PARD3B: variants seen among roughly 807,000 people sequenced by gnomAD.
The protein encoded by PARD3B is par-3 family cell polarity regulator beta, also known as partitioning defective 3 homolog B.
A neutral mutation model predicts 130.2 loss-of-function variants in PARD3B; 103 were observed. That is an observed-to-expected ratio of 0.79 (90% CI 0.67 to 0.93). The LOEUF is 0.93. Among genes scored for constraint, PARD3B ranks in the 40% least tolerant of loss-of-function variants. The pLI is 0.00. For synonymous variants in PARD3B, 583 were observed against 553.2 expected (o/e 1.05, Z -0.76); for missense variants, 1,609 against 1,499.2 (o/e 1.07, Z -1.21).
intron 22 of PARD3B, among the ~76,000 whole-genome samples, chr2:205,581,186 G>A (rs1414538125): frequency 6.7e-6 from 1 of 149,944 alleles, no homozygotes; most frequent in Non-Finnish European, 1.5e-5. Context: ...ATCTACCTAA[G>A]TGTCTATCAA....
intron 3 of PARD3B, among the ~76,000 whole-genome samples, chr2:204,996,294 C>G (rs1341338222): frequency 2.7e-5 from 4 of 150,760 alleles, no homozygotes; most frequent in Non-Finnish European, 5.9e-5. Flanking sequence ...AGTTTTCCTT[C>G]TAACAGACAG....
intron 3 of PARD3B, among the ~76,000 whole-genome samples, chr2:205,024,669 G>T (rs1420830576): frequency 6.6e-6 from 1 of 152,028 alleles, no homozygotes; most frequent in African/African-American, 2.4e-5. Flanking sequence ...AATTGATGTG[G>T]GTAATTTCCT....
At chr2:204,831,926 A>G (rs897543185) in intron 2 of PARD3B, among the ~76,000 whole-genome samples, 5 of 152,192 alleles carry the variant, frequency 3.3e-5, no homozygotes, top group Non-Finnish European at 5.9e-5. Context: ...TAGAATGTTC[A>G]GTTATTTTAT....
chr2:204,960,956 T>A (rs977042955), intron 2 of PARD3B, among the ~76,000 whole-genome samples: 2 of 152,156 alleles, frequency 1.3e-5, no homozygotes, highest in Non-Finnish European at 2.9e-5. Flanking sequence ...GCCTTGCAGG[T>A]GCCTGGTGGA....
rs2105771268 is a variant in PARD3B at position 205,263,094 on chromosome 2, G to A, written c.2185+17272G>A. ...GAGAAATAACAGAGTAAGAAGAGATGAAGGAAAAGAGGTGGATATTAGAGA... is the reference window on the plus strand; with the variant it reads ...GAGAAATAACAGAGTAAGAAGAGATAAAGGAAAAGAGGTGGATATTAGAGA... On this transcript the variant is annotated intron_variant, in intron 16 of 22. Transcript: ENST00000406610. This position sits in a 1 kb window ranked among gnomAD's most constrained non-coding sequence, Gnocchi z 4.0. Among the ~76,000 whole-genome samples the A allele has an allele frequency of 6.6e-6, 1 of 152,166 alleles. No homozygotes were observed. Among genetic ancestry groups the A allele is most frequent in the Admixed American group, 6.5e-5 (1 of 15,280 alleles).
intron 2 of PARD3B, among the ~76,000 whole-genome samples, chr2:204,950,591 G>C (rs1215826289): frequency 6.6e-6 from 1 of 152,134 alleles, no homozygotes; most frequent in Non-Finnish European, 1.5e-5. Context: ...GGCCTTGGGA[G>C]ACCTTGGAAA....
At chr2:205,140,331 A>C (rs1057199908) in intron 10 of PARD3B, among the ~76,000 whole-genome samples, 3 of 152,220 alleles carry the variant, frequency 2.0e-5, no homozygotes, top group African/African-American at 7.2e-5. Context: ...GATAAAAAGC[A>C]CAGTGGTCAA....
At chr2:204,795,193 A>G (rs2042327984) in intron 2 of PARD3B, among the ~76,000 whole-genome samples, 1 of 152,172 alleles carries the variant, frequency 6.6e-6, no homozygotes, top group Non-Finnish European at 1.5e-5. Flanking sequence ...TAGTCCAGTA[A>G]TACTTCTGGT....
At chr2:204,619,877 A>G (rs2034237192) in intron 1 of PARD3B, among the ~76,000 whole-genome samples, 2 of 152,166 alleles carry the variant, frequency 1.3e-5, no homozygotes, top group African/African-American at 2.4e-5. Flanking sequence ...TCTTGAGCAC[A>G]CTGGGTACTC....
At chr2:204,550,740 T>C (rs2030397654) in intron 1 of PARD3B, among the ~76,000 whole-genome samples, 2 of 152,134 alleles carry the variant, frequency 1.3e-5, no homozygotes, top group South Asian at 4.1e-4. Flanking sequence ...GAACTGGGAG[T>C]AGTCTGATTA....
At chr2:205,296,728 G>A (rs1486476036) in intron 16 of PARD3B, among the ~76,000 whole-genome samples, 1 of 151,448 alleles carries the variant, frequency 6.6e-6, no homozygotes, top group African/African-American at 2.4e-5. Context: ...GTATTTTTGG[G>A]AATGGAGGGT....
At chr2:204,883,455 A>ATATATATTTT (rs1377428928) in intron 2 of PARD3B, among the ~76,000 whole-genome samples, 3 of 77,270 alleles carry the variant, frequency 3.9e-5, no homozygotes, top group African/African-American at 1.7e-4. Context: ...ATATATATAT[A>ATATATATTTT]TTTTTTTTTT....
chr2:204,793,020 C>T (rs1014027624), intron 2 of PARD3B, among the ~76,000 whole-genome samples: 2 of 152,006 alleles, frequency 1.3e-5, no homozygotes, highest in African/African-American at 2.4e-5. Flanking sequence ...TTTAATCCTC[C>T]CTGATTGTCA....
intron 1 of PARD3B, among the ~76,000 whole-genome samples, chr2:204,632,383 T>C (rs780831275): frequency 1.3e-5 from 2 of 152,194 alleles, no homozygotes; most frequent in Admixed American, 6.5e-5. Context: ...ACTCTGGCTT[T>C]TTGAGTTTTC....
intron 2 of PARD3B, among the ~76,000 whole-genome samples, chr2:204,790,570 A>G (rs928023184): frequency 6.6e-6 from 1 of 152,178 alleles, no homozygotes; most frequent in Non-Finnish European, 1.5e-5. Flanking sequence ...TGAATTTTAT[A>G]ATGTGGAGTT....
chr2:205,331,770 G>A (rs1213916800), intron 18 of PARD3B, among the ~76,000 whole-genome samples: 2 of 75,138 alleles, frequency 2.7e-5, no homozygotes, highest in Non-Finnish European at 4.2e-5. Flanking sequence ...GCGACAGAGT[G>A]AGACTCCGTC....
At chr2:205,059,588 T>C (rs906881617) in intron 4 of PARD3B, among the ~76,000 whole-genome samples, 2 of 152,116 alleles carry the variant, frequency 1.3e-5, no homozygotes, top group African/African-American at 4.8e-5. Context: ...ACCTCTAGCA[T>C]AATTTGTTCC....
chr2:204,936,272 C>G (rs1156666192), intron 2 of PARD3B, among the ~76,000 whole-genome samples: 1 of 152,246 alleles, frequency 6.6e-6, no homozygotes, highest in Non-Finnish European at 1.5e-5. Context: ...GGTGACTTCT[C>G]TGCCTACTGG....
At chr2:205,495,256 T>A (rs2049882578) in intron 20 of PARD3B, among the ~76,000 whole-genome samples, 1 of 152,208 alleles carries the variant, frequency 6.6e-6, no homozygotes, top group Non-Finnish European at 1.5e-5. Context: ...ATAAGCAATG[T>A]AATTTATTTT....
Sources: allele counts gnomAD v4.1 joint callset (sites outside exome capture counted in the v4.1 genomes callset), GRCh38; gene constraint gnomAD v4.1.1; non-coding constraint Gnocchi (gnomAD v3.1); transcripts MANE v1.5; gene names NCBI Gene and HGNC (gene_info 2026-07-23, HGNC 2026-07-21).